KCNK9: variants seen among roughly 807,000 people sequenced by gnomAD.
The protein encoded by KCNK9 is potassium channel subfamily K member 9.
In KCNK9, 1 loss-of-function variant was observed where a neutral mutation model predicts 10.8. The observed-to-expected ratio is 0.09, with a 90% CI of 0.03 to 0.44. KCNK9 has a LOEUF of 0.44. Among genes scored for constraint, KCNK9 ranks in the 20% least tolerant of loss-of-function variants. The pLI, the probability that KCNK9 is intolerant of heterozygous loss-of-function variation, is 0.97. For synonymous variants in KCNK9, 231 were observed against 222.7 expected, an observed-to-expected ratio of 1.04 and a Z score of -0.33; for missense variants, 303 against 515.0, an observed-to-expected ratio of 0.59 and a Z score of 3.98.
chr8:139,608,521 C>T (rs1484057561), downstream of KCNK9, among the ~76,000 whole-genome samples: 1 of 151,512 alleles, frequency 6.6e-6, no homozygotes, highest in Admixed American at 6.6e-5. Context: ...CTGGGACAGG[C>T]GGCCAGCCTG....
At chr8:139,687,410 TCATATATG>T (rs1816820399) in intron 1 of KCNK9, among the ~76,000 whole-genome samples, 1 of 87,952 alleles carries the variant, frequency 1.1e-5, no homozygotes, top group Non-Finnish European at 2.5e-5. Context: ...ACATATATAT[TCATATATG>T]TGTATACATA....
At chr8:139,623,889 T>G (rs1404852284) in intron 1 of KCNK9, among the ~76,000 whole-genome samples, 1 of 152,082 alleles carries the variant, frequency 6.6e-6, no homozygotes, top group Non-Finnish European at 1.5e-5. Context: ...GAGGGGCGCC[T>G]CCGACTGCGG....
At chr8:139,665,842 T>C (rs528372990) in intron 1 of KCNK9, among the ~76,000 whole-genome samples, 2 of 152,314 alleles carry the variant, frequency 1.3e-5, no homozygotes, top group Admixed American at 6.5e-5. Context: ...GGGCTGAGCC[T>C]CCACCATCCA....
At chr8:139,619,130 A>G (rs200813594) in intron 1 of KCNK9, 31 bp from the exon 2 acceptor site, 8 of 1,611,982 alleles carry the variant, frequency 5.0e-6, no homozygotes, top group African/African-American at 2.7e-5. Context: ...GAACAGAGAG[A>G]GCAAGTGAGG....
intron 1 of KCNK9, among the ~76,000 whole-genome samples, chr8:139,653,911 C>G (rs1230190818): frequency 2.0e-5 from 3 of 152,160 alleles, no homozygotes; most frequent in African/African-American, 7.2e-5. Context: ...GTCCCTAAAC[C>G]CCAGAGCCTC....
intron 1 of KCNK9, among the ~76,000 whole-genome samples, chr8:139,677,017 A>G (rs149412987): frequency 4.3e-4 from 65 of 152,304 alleles, no homozygotes; most frequent in African/African-American, 1.5e-3. Flanking sequence ...ACTTGTCCAC[A>G]GTCTCACAGC....
chr8:139,601,117 A>G (rs1817354795), exon 3 of KCNK9: 1 of 152,186 alleles, frequency 6.6e-6, no homozygotes, highest in Non-Finnish European at 1.5e-5. Flanking sequence ...AGAGTTGCAG[A>G]CGGGGAAACC....
intron 1 of KCNK9, among the ~76,000 whole-genome samples, chr8:139,664,443 T>C (rs1816247200): frequency 7.0e-6 from 1 of 142,708 alleles, no homozygotes; most frequent in Non-Finnish European, 1.5e-5. Context: ...GGCCTTAACA[T>C]ATCACTGCAA....
intron 1 of KCNK9, among the ~76,000 whole-genome samples, chr8:139,642,843 C>T (rs1439642475): frequency 6.6e-6 from 1 of 152,312 alleles, no homozygotes; most frequent in African/African-American, 2.4e-5. Flanking sequence ...CATGGGGAAC[C>T]TGAGCAGCAG....
chr8:139,672,190 T>C lies in KCNK9; in HGVS notation c.283+30520A>G, dbSNP rs906636828. Among the ~76,000 whole-genome samples, 13 of 152,136 alleles carry C rather than the reference T, an allele frequency of 8.5e-5. 1 individual carries two copies. In the South Asian group the frequency reaches 2.7e-3, roughly 32 times the overall value. ...TGCAGCTTGGAGGTGGCTTTCTGGGTTCCTCCTCTCTAGGACAGGACACAC... is the reference window on the plus strand; with the variant it reads ...TGCAGCTTGGAGGTGGCTTTCTGGGCTCCTCCTCTCTAGGACAGGACACAC... On this transcript the variant is annotated intron_variant, in intron 1 of 1. Coordinates refer to ENST00000520439, the MANE Select transcript of KCNK9 (RefSeq NM_001282534.2).
chr8:139,663,783 G>A (rs1406782776), intron 1 of KCNK9, among the ~76,000 whole-genome samples: 2 of 152,084 alleles, frequency 1.3e-5, no homozygotes, highest in African/African-American at 4.8e-5. Context: ...AGCACTGCCT[G>A]CCTGAGCCCA....
chr8:139,620,763 G>C (rs1814752786), intron 1 of KCNK9, among the ~76,000 whole-genome samples: 1 of 152,104 alleles, frequency 6.6e-6, no homozygotes, highest in African/African-American at 2.4e-5. Flanking sequence ...AAACCCCTTA[G>C]TCCTTATGAA....
At position 139,693,596 on chromosome 8, in the gene KCNK9, T is replaced by C. The variant is rs1022998332; in HGVS notation, c.283+9114A>G. On this transcript the variant is annotated intron_variant, in intron 1 of 1. Coordinates refer to ENST00000520439, the MANE Select transcript of KCNK9 (RefSeq NM_001282534.2). The surrounding 1 kb of genome is among the most constrained non-coding windows in gnomAD (Gnocchi z 4.1). ...GAGACCAGCAGCCCCTAGGGAATACTGATGTCTACTCAGAAAACTGAGTAG... is the reference window on the plus strand; with the variant it reads ...GAGACCAGCAGCCCCTAGGGAATACCGATGTCTACTCAGAAAACTGAGTAG... Among the ~76,000 whole-genome samples the C allele has an allele frequency of 6.6e-6, 1 of 152,128 alleles. No homozygotes were observed. Among genetic ancestry groups the C allele is most frequent in the Non-Finnish European group, 1.5e-5 (1 of 68,040 alleles).
chr8:139,666,782 G>C (rs370383902), intron 1 of KCNK9, among the ~76,000 whole-genome samples: 1 of 152,236 alleles, frequency 6.6e-6, no homozygotes, highest in Non-Finnish European at 1.5e-5. Context: ...CCAACATCTG[G>C]CTTGATTTTT....
intron 1 of KCNK9, among the ~76,000 whole-genome samples, chr8:139,635,127 G>T: frequency 6.6e-6 from 1 of 152,232 alleles, no homozygotes; most frequent in East Asian, 1.9e-4. Flanking sequence ...GCCATGCATA[G>T]CTCCGCTGCC....
intron 1 of KCNK9, among the ~76,000 whole-genome samples, chr8:139,632,227 G>A (rs111770861): frequency 6.6e-6 from 1 of 152,120 alleles, no homozygotes; most frequent in Non-Finnish European, 1.5e-5. Context: ...AGTCACCACA[G>A]ACCCCACATC....
intron 1 of KCNK9, among the ~76,000 whole-genome samples, chr8:139,621,900 C>T (rs1264538354): frequency 6.6e-6 from 1 of 152,226 alleles, no homozygotes. Flanking sequence ...TAATGTTCCA[C>T]ATGTGATATA....
intron 1 of KCNK9, among the ~76,000 whole-genome samples, chr8:139,691,095 C>T (rs1436165681): frequency 6.6e-6 from 1 of 152,188 alleles, no homozygotes; most frequent in Non-Finnish European, 1.5e-5. Flanking sequence ...ACTGAGACTG[C>T]TTCGTGGTAC....
intron 1 of KCNK9, among the ~76,000 whole-genome samples, chr8:139,624,396 G>A (rs1267392343): frequency 1.3e-5 from 2 of 152,166 alleles, no homozygotes; most frequent in East Asian, 3.9e-4. Flanking sequence ...CAGGATGCCG[G>A]CATGTTCAGG....
Sources: gnomAD v4.1 joint callset for allele counts (sites outside exome capture counted in the v4.1 genomes callset) on GRCh38, gnomAD v4.1.1 for gene constraint, Gnocchi (gnomAD v3.1) non-coding constraint, MANE v1.5 for transcripts, NCBI Gene and HGNC (gene_info 2026-07-23, HGNC 2026-07-21) for gene names.